CAPN8: variants seen among roughly 807,000 people sequenced by gnomAD.
The protein encoded by CAPN8 is calpain 8.
A neutral mutation model predicts 80.9 loss-of-function variants in CAPN8; 87 were observed. That is an observed-to-expected ratio of 1.07 (90% CI 0.90 to 1.28). CAPN8 has a LOEUF of 1.28. Ranked by LOEUF, CAPN8 falls within the 50% of genes most tolerant of loss-of-function variation. The probability of loss-of-function intolerance (pLI) is 0.00; values close to 1 mark genes in which losing one functional copy is unlikely to be tolerated. For synonymous variants in CAPN8, 299 were observed against 273.8 expected, an observed-to-expected ratio of 1.09 and a Z score of -0.91; for missense variants, 757 against 702.0, an observed-to-expected ratio of 1.08 and a Z score of -0.89.
intron 16 of CAPN8, among the ~76,000 whole-genome samples, chr1:223,546,427 A>G (rs1656624269): frequency 6.6e-6 from 1 of 152,172 alleles, no homozygotes; most frequent in Non-Finnish European, 1.5e-5. Flanking sequence ...AAAACAGACT[A>G]TCACTTTAAT....
At chr1:223,625,482 G>A (rs35536538) in intron 6 of CAPN8, among the ~76,000 whole-genome samples, 9,210 of 151,992 alleles carry the variant, frequency 0.061, 308 homozygotes, top group South Asian at 0.092. Flanking sequence ...TTTTCGTAGC[G>A]ATGAGGTCTT....
intron 2 of CAPN8, among the ~76,000 whole-genome samples, chr1:223,642,032 C>G (rs1279987885): frequency 6.6e-6 from 1 of 152,140 alleles, no homozygotes; most frequent in Non-Finnish European, 1.5e-5. Flanking sequence ...CCTGGCACAC[C>G]TTACTAGAAC....
chr1:223,542,237 C>A (rs1264526279), intron 20 of CAPN8, among the ~76,000 whole-genome samples: 2 of 150,974 alleles, frequency 1.3e-5, no homozygotes, highest in East Asian at 1.9e-4. Context: ...GTGTACATAT[C>A]TTTTCCTATA....
chr1:223,620,341 G>T, intron 7 of CAPN8, 75 bp from the exon 8 acceptor site: 1 of 1,308,572 alleles, frequency 7.6e-7, no homozygotes, highest in African/African-American at 1.5e-5. Flanking sequence ...CTGCAGCTAA[G>T]CTTCCCCCTA....
At chr1:223,648,338 C>A (rs1421445255) in intron 2 of CAPN8, among the ~76,000 whole-genome samples, 1 of 152,232 alleles carries the variant, frequency 6.6e-6, no homozygotes, top group Non-Finnish European at 1.5e-5. Context: ...GGAGGCCTGA[C>A]CCTGTGCTCT....
chr1:223,641,742 C>G (rs543373046), intron 2 of CAPN8, among the ~76,000 whole-genome samples: 1 of 152,238 alleles, frequency 6.6e-6, no homozygotes, highest in Non-Finnish European at 1.5e-5. Context: ...GACCTTTATT[C>G]ATCTCCTTCC....
At chr1:223,544,708 A>G in intron 18 of CAPN8, 64 bp downstream of exon 18, 1 of 1,540,246 alleles carries the variant, frequency 6.5e-7, no homozygotes, top group Non-Finnish European at 8.8e-7. Flanking sequence ...CATCATCATG[A>G]GAATAAATAT....
chr1:223,639,154 T>A (rs1337533083), intron 2 of CAPN8, among the ~76,000 whole-genome samples: 1 of 152,094 alleles, frequency 6.6e-6, no homozygotes, highest in Non-Finnish European at 1.5e-5. Flanking sequence ...GCAGGAGAAT[T>A]GCTTGAACCT....
intron 14 of CAPN8, among the ~76,000 whole-genome samples, chr1:223,551,897 A>G (rs1481863938): frequency 6.6e-6 from 1 of 152,166 alleles, no homozygotes; most frequent in Non-Finnish European, 1.5e-5. Flanking sequence ...AGGAGTTGGT[A>G]TTTCACATAG....
At chr1:223,642,011 T>A (rs1241178140) in intron 2 of CAPN8, among the ~76,000 whole-genome samples, 2 of 152,156 alleles carry the variant, frequency 1.3e-5, no homozygotes, top group Non-Finnish European at 2.9e-5. Flanking sequence ...ACTGTACTTG[T>A]AAATTAAGAA....
chr1:223,644,136 A>G, intron 2 of CAPN8: 1 of 341,940 alleles, frequency 2.9e-6, no homozygotes, highest in Non-Finnish European at 5.7e-6. Flanking sequence ...GTACCCGAGT[A>G]ATATTATCTC....
chr1:223,611,906 T>C (rs1657039669), intron 11 of CAPN8, among the ~76,000 whole-genome samples: 1 of 152,154 alleles, frequency 6.6e-6, no homozygotes. Flanking sequence ...CACCTATACA[T>C]AATTAGTGCA....
At chr1:223,619,533 A>G in intron 8 of CAPN8, 80 bp from the exon 9 acceptor site, 1 of 1,481,342 alleles carries the variant, frequency 6.8e-7, no homozygotes, top group Non-Finnish European at 9.1e-7. Context: ...CACGGGAAGG[A>G]GCCCTGTGGC....
rs765552596 is a variant in CAPN8, at chr1:223,544,788, T to A, written c.1896A>T (p.Thr632=). 16 of 1,551,646 alleles carry A rather than the reference T, an allele frequency of 1.0e-5. No individual in the cohort carries two copies. Among genetic ancestry groups the A allele is most frequent in the Non-Finnish European group, 1.4e-5 (16 of 1,147,006 alleles). The part of the protein sequence containing the change: ...SGTIDAHEMR[T]ALRKAGFTLN... ...TGTCCTCACCTGCCTTCCTGAGGGC[T>A]GTCCTCATCTCGTGGGCATCGATGG... The change falls in exon 18 of 21, where the codon ACA becomes ACT. Residue 632 remains threonine (T), a synonymous_variant. Coordinates refer to ENST00000366872, the MANE Select transcript of CAPN8 (RefSeq NM_001143962.2).
intron 20 of CAPN8, 65 bp from the exon 21 acceptor site, chr1:223,541,924 T>C: frequency 6.4e-7 from 1 of 1,550,564 alleles, no homozygotes; most frequent in Non-Finnish European, 8.7e-7. Context: ...TCACCATTGA[T>C]GCTCTCCTGC....
rs1224164886 is a variant in CAPN8, at chr1:223,625,822, C to G, written c.796G>C (p.Val266Leu). ...AATTTTACCTCTTCGACTCCAGTGA[C>G]AGAGTACGCATGACTCTTAACCAGC... Reference protein sequence around the residue: ...QKLVKSHAYSVTGVEEVNFQG... With the variant: ...QKLVKSHAYSLTGVEEVNFQG... Residue 266 changes from valine (V) to leucine (L), a missense_variant, in exon 6 of 21, where the codon GTC (valine) becomes CTC (leucine). Transcript: ENST00000366872. 1.3e-6 allele frequency: 2 copies of G among 1,550,684 alleles called. No individual in the cohort carries two copies. Among genetic ancestry groups the G allele is most frequent in the East Asian group, 4.9e-5 (2 of 40,856 alleles).
At chr1:223,633,545 C>A (rs1030962827) in intron 2 of CAPN8, among the ~76,000 whole-genome samples, 2 of 152,094 alleles carry the variant, frequency 1.3e-5, no homozygotes, top group Admixed American at 6.6e-5. Flanking sequence ...ACCTGTAGTA[C>A]CAGCTACTCA....
intron 2 of CAPN8, among the ~76,000 whole-genome samples, chr1:223,652,728 A>G (rs1658374782): frequency 6.6e-6 from 1 of 151,448 alleles, no homozygotes; most frequent in South Asian, 2.1e-4. Flanking sequence ...AGGAGATTGG[A>G]CTCCCCAGCC....
At chr1:223,553,782 C>T (rs1656851224) in intron 14 of CAPN8, 50 bp downstream of exon 14, 5 of 398,596 alleles carry the variant, frequency 1.3e-5, no homozygotes, top group South Asian at 1.3e-4. Context: ...CCTGAGCATT[C>T]CTGAATATTC....
Sources: allele counts gnomAD v4.1 joint callset (sites outside exome capture counted in the v4.1 genomes callset), GRCh38; gene constraint gnomAD v4.1.1; transcripts MANE v1.5; gene names NCBI Gene and HGNC (gene_info 2026-07-23, HGNC 2026-07-21).